The following CAMTA1 variants were observed in gnomAD, a reference collection of about 807,000 sequenced individuals.
The protein encoded by CAMTA1 is calmodulin-binding transcription activator 1.
In CAMTA1, 27 loss-of-function variants were observed where a neutral mutation model predicts 170.9. The observed-to-expected ratio is 0.16, with a 90% CI of 0.12 to 0.22. CAMTA1 has a LOEUF of 0.22. Among genes scored for constraint, CAMTA1 ranks in the 10% least tolerant of loss-of-function variants. The pLI, the probability that CAMTA1 is intolerant of heterozygous loss-of-function variation, is 1.00. For synonymous variants in CAMTA1, 833 were observed against 891.5 expected (o/e 0.93, Z 1.17); for missense variants, 1,619 against 2,217.2 (o/e 0.73, Z 5.42).
chr1:7,163,036 G>A (rs1050483752), intron 4 of CAMTA1, among the ~76,000 whole-genome samples: 11 of 139,948 alleles, frequency 7.9e-5, no homozygotes, highest in Non-Finnish European at 1.3e-4. Context: ...AAGGGAGGCT[G>A]GATGGGCCTC....
chr1:7,125,199 G>A (rs1644862769), intron 4 of CAMTA1, among the ~76,000 whole-genome samples: 1 of 152,200 alleles, frequency 6.6e-6, no homozygotes, highest in Admixed American at 6.5e-5. Flanking sequence ...CTGACCACTT[G>A]AATGGGGCTG....
chr1:6,880,941 A>G lies in CAMTA1; in HGVS notation c.234+55731A>G, dbSNP rs142302262. Reference sequence around the variant, plus strand: ...GAGGAATAATAATAAACAATAAACAAAAACAAAAATAAATAACAGTAATTG... The same window carrying G: ...GAGGAATAATAATAAACAATAAACAGAAACAAAAATAAATAACAGTAATTG... On this transcript the variant is annotated intron_variant, in intron 3 of 22. Transcript: ENST00000303635. Among the ~76,000 whole-genome samples, 352 of 152,318 alleles carry G rather than the reference A, an allele frequency of 2.3e-3. 6 individuals carry two copies. Among genetic ancestry groups the G allele is most frequent in the Middle Eastern group, 0.017 (5 of 294 alleles).
chr1:7,509,185 CT>C (rs2094165349), intron 6 of CAMTA1, among the ~76,000 whole-genome samples: 1 of 152,222 alleles, frequency 6.6e-6, no homozygotes, highest in Non-Finnish European at 1.5e-5. Flanking sequence ...TCTGTCACCA[CT>C]TTTTTCAATT....
At chr1:6,896,455 G>A (rs1480831714) in intron 3 of CAMTA1, among the ~76,000 whole-genome samples, 1 of 152,132 alleles carries the variant, frequency 6.6e-6, no homozygotes, top group Non-Finnish European at 1.5e-5. Flanking sequence ...CTCCTGTGGC[G>A]TGTCTGGCCG....
chr1:7,662,191 C>G (rs535800135), intron 8 of CAMTA1, among the ~76,000 whole-genome samples: 13 of 152,212 alleles, frequency 8.5e-5, no homozygotes, highest in Non-Finnish European at 1.9e-4. Context: ...TGTTCAGGCC[C>G]ACACTCTTGG....
rs375611440 is a variant in CAMTA1 at position 7,484,790 on chromosome 1, G to GA, written c.510+16901dup. ...GGCGACAGAGCGAGACTATGTCTCA[G>GA]AAAAAAAAAAAATCGTGGCTGTTGT... On this transcript the variant is annotated intron_variant, in intron 6 of 22. Transcript: ENST00000303635. 5.5e-3 allele frequency among the ~76,000 whole-genome samples: 806 copies of GA among 145,526 alleles called. 27 individuals are homozygous for GA. The highest frequency in any genetic ancestry group is 0.044 in the Admixed American group (650 of 14,684).
At position 7,744,956 on chromosome 1, in the gene CAMTA1, G is replaced by C. The variant is rs373452182; in HGVS notation, c.4304G>C (p.Ser1435Thr). The change falls in exon 17 of 23, where the codon AGT (serine) becomes ACT (threonine). Residue 1435 changes from serine to threonine, a missense_variant. This residue lies in a region of CAMTA1 where 370 missense variants were observed against 429.4 expected (regional missense o/e 0.86). Coordinates refer to ENST00000303635, the MANE Select transcript of CAMTA1 (RefSeq NM_015215.4). ...LERTDPATIS[S>T]TMSWLASYLA... ...AGAACAGACCCTGCCACCATTAGCA[G>C]TACAATGAGCTGGCTGGCCAGTTAT... The C allele has an allele frequency of 1.9e-5, 31 of 1,614,042 alleles. No individual in the cohort carries two copies. The highest frequency in any genetic ancestry group is 2.4e-5 in the Non-Finnish European group (28 of 1,180,026).
rs566767416 is a variant in CAMTA1, at chr1:7,511,055, G to A, written c.510+43154G>A. ...TCCTTCGGCACTCGCCCGATTGCCC[G>A]AGGCATTCTTTCCACAGCCAGAAAC... On this transcript the variant is annotated intron_variant, in intron 6 of 22. Coordinates refer to ENST00000303635, the MANE Select transcript of CAMTA1 (RefSeq NM_015215.4). 3.4e-5 allele frequency among the ~76,000 whole-genome samples: 5 copies of A among 145,494 alleles called. 1 individual carries two copies. The highest frequency in any genetic ancestry group is 4.4e-4 in the East Asian group (2 of 4,526).
chr1:7,490,544 C>A (rs1489260733), intron 6 of CAMTA1, among the ~76,000 whole-genome samples: 1 of 152,040 alleles, frequency 6.6e-6, no homozygotes, highest in Admixed American at 6.5e-5. Flanking sequence ...CCTAGCTACT[C>A]GGGAGGCTGA....
intron 3 of CAMTA1, among the ~76,000 whole-genome samples, chr1:6,914,100 C>G (rs914745308): frequency 9.0e-6 from 1 of 111,308 alleles, no homozygotes; most frequent in Non-Finnish European, 2.0e-5. Flanking sequence ...CAGGGCTCAT[C>G]TCTTTTTTTT....
intron 4 of CAMTA1, among the ~76,000 whole-genome samples, chr1:7,160,978 C>T (rs1558186724): frequency 6.6e-6 from 1 of 152,212 alleles, no homozygotes; most frequent in East Asian, 1.9e-4. Context: ...CCTTCTTAAG[C>T]CCATCTGAGT....
In CAMTA1 at chr1:7,609,682, C is replaced by T. The variant is rs578121737; in HGVS notation, c.511-30718C>T. 4.1e-4 allele frequency among the ~76,000 whole-genome samples: 62 copies of T among 152,310 alleles called. No homozygotes were observed. The highest frequency in any genetic ancestry group is 1.5e-3 in the African/African-American group (61 of 41,572). Reference sequence around the variant, plus strand: ...TGGAGCTCCAGCCTCAAGTCAGATCCCCTGGACCCCAGATCTCTTCCACCC... The same window carrying T: ...TGGAGCTCCAGCCTCAAGTCAGATCTCCTGGACCCCAGATCTCTTCCACCC... On this transcript the variant is annotated intron_variant, in intron 6 of 22. Transcript: ENST00000303635. This position sits in a 1 kb window ranked among gnomAD's most constrained non-coding sequence, Gnocchi z 4.4.
chr1:7,415,917 T>G (rs1277866741), intron 5 of CAMTA1, among the ~76,000 whole-genome samples: 1 of 152,228 alleles, frequency 6.6e-6, no homozygotes. Context: ...CTTTCCATGT[T>G]TAGTGCTTCC....
At chr1:7,343,036 G>A (rs1001809893) in intron 5 of CAMTA1, among the ~76,000 whole-genome samples, 11 of 152,146 alleles carry the variant, frequency 7.2e-5, no homozygotes, top group African/African-American at 2.7e-4. Flanking sequence ...CTGACCCTAC[G>A]CATGGCTAAA....
chr1:7,737,028 T>C lies in CAMTA1; in HGVS notation c.3342+19T>C. On this transcript the variant is annotated intron_variant, in intron 14 of 22. Coordinates refer to ENST00000303635, the MANE Select transcript of CAMTA1 (RefSeq NM_015215.4). Reference sequence around the variant, plus strand: ...TCCTCTGGTAAGGAATGGATTCCTGTAGCCCCCCCTTGCTGTTCTTCCAGT... The same window carrying C: ...TCCTCTGGTAAGGAATGGATTCCTGCAGCCCCCCCTTGCTGTTCTTCCAGT... 6.4e-7 allele frequency: 1 copy of C among 1,574,240 alleles called. No homozygotes were observed. The highest frequency in any genetic ancestry group is 8.7e-7 in the Non-Finnish European group (1 of 1,144,986).
intron 5 of CAMTA1, among the ~76,000 whole-genome samples, chr1:7,400,533 A>T (rs1307994648): frequency 1.3e-5 from 2 of 150,884 alleles, no homozygotes; most frequent in Non-Finnish European, 3.0e-5. Flanking sequence ...ATGGTGTCAT[A>T]TTTCTTTGTT....
intron 6 of CAMTA1, among the ~76,000 whole-genome samples, chr1:7,593,568 C>T (rs1040427917): frequency 4.7e-5 from 7 of 150,104 alleles, no homozygotes; most frequent in Non-Finnish European, 1.0e-4. Context: ...TGGCTCACTA[C>T]AACCTCTGCC....
intron 6 of CAMTA1, among the ~76,000 whole-genome samples, chr1:7,521,295 G>T (rs1209149851): frequency 6.6e-6 from 1 of 152,100 alleles, no homozygotes; most frequent in Non-Finnish European, 1.5e-5. Context: ...TGAGATAATT[G>T]TAGGCTCATA....
chr1:7,315,181 C>T (rs1008419130), intron 5 of CAMTA1, among the ~76,000 whole-genome samples: 3 of 152,168 alleles, frequency 2.0e-5, no homozygotes, highest in Non-Finnish European at 2.9e-5. Flanking sequence ...GACCAGGGTT[C>T]ATGTTGAATC....
Sources: gnomAD v4.1 joint callset for allele counts (sites outside exome capture counted in the v4.1 genomes callset) on GRCh38, gnomAD v4.1.1 for gene constraint, gnomAD v4.1.1 regional missense constraint, Gnocchi (gnomAD v3.1) non-coding constraint, MANE v1.5 for transcripts, NCBI Gene and HGNC (gene_info 2026-07-23, HGNC 2026-07-21) for gene names.